The following C8orf74 variants were observed in gnomAD, a reference collection of about 807,000 sequenced individuals.
C8orf74 encodes the protein chromosome 8 open reading frame 74.
Under a neutral mutation model 22.2 loss-of-function variants are expected in C8orf74, and 29 were observed. That is an observed-to-expected ratio of 1.31 (90% CI 0.97 to 1.78). The LOEUF is 1.78. Ranked by LOEUF, C8orf74 falls within the 40% of genes most tolerant of loss-of-function variation. C8orf74 has a pLI of 0.00. For synonymous variants in C8orf74, 255 were observed against 163.1 expected (o/e 1.56, Z -4.30); for missense variants, 515 against 369.9 (o/e 1.39, Z -3.22).
At chr8:10,672,760 T>C (rs1038286212) in intron 1 of C8orf74, 47 bp downstream of exon 1, 3 of 1,521,564 alleles carry the variant, frequency 2.0e-6, no homozygotes, top group African/African-American at 2.8e-5. Context: ...TGGCTCATCC[T>C]GGGCACATAG....
Position 10,674,744 on chromosome 8 carries a change from C to T in C8orf74, c.147C>T (p.Tyr49=), listed in dbSNP as rs200806889. ...SRRSILLDTL[Y]ESIIFAVGKG... ...GGAGCATCCTGCTGGACACCCTCTA[C>T]GAGAGCATCATCTTTGCAGTGGGCA... Residue 49 remains tyrosine, a synonymous_variant, in exon 2 of 4, where the codon TAC becomes TAT. Transcript: ENST00000304519. The T allele has an allele frequency of 1.2e-5, 19 of 1,607,196 alleles. No homozygotes were observed. Among genetic ancestry groups the T allele is most frequent in the East Asian group, 6.7e-5 (3 of 44,678 alleles).
At chr8:10,684,113 A>G (rs1420224707) in intron 2 of C8orf74, among the ~76,000 whole-genome samples, 1 of 152,180 alleles carries the variant, frequency 6.6e-6, no homozygotes, top group Middle Eastern at 3.2e-3. Flanking sequence ...TGGCACACTG[A>G]GCCCTCTGCC....
intron 2 of C8orf74, chr8:10,691,829 T>A (rs1419852371): frequency 6.6e-6 from 1 of 152,366 alleles, no homozygotes; most frequent in African/African-American, 2.4e-5. Flanking sequence ...ACATGGCACA[T>A]AGGGCTGTCA....
intron 2 of C8orf74, among the ~76,000 whole-genome samples, chr8:10,681,447 T>C (rs79826929): frequency 0.13 from 19,915 of 152,122 alleles, 1,779 homozygotes; most frequent in Non-Finnish European, 0.19. Context: ...GCCAGCCTTA[T>C]CTAATCCTGG....
At chr8:10,679,842 C>T (rs546268685) in intron 2 of C8orf74, 9 of 153,064 alleles carry the variant, frequency 5.9e-5, no homozygotes, top group East Asian at 3.9e-4. Context: ...CTGCCTTGTC[C>T]GTCCTTCTCA....
chr8:10,687,166 T>C, intron 2 of C8orf74: 1 of 456,080 alleles, frequency 2.2e-6, no homozygotes, highest in South Asian at 1.5e-5. Flanking sequence ...ACAATGGCAT[T>C]ACTTATTGAG....
chr8:10,676,413 C>G (rs1018315257), intron 2 of C8orf74, among the ~76,000 whole-genome samples: 1 of 152,162 alleles, frequency 6.6e-6, no homozygotes, highest in African/African-American at 2.4e-5. Context: ...TTCCACCCCC[C>G]TCTCTTGATT....
At position 10,697,591 on chromosome 8, in the gene C8orf74, G is replaced by C; in HGVS notation, c.242-8G>C. ...CTCCCACTCTGTTCTTGGCCCCTGT[G>C]CCTACAGGCTGCTCCATTACTGAGG... On this transcript the variant is annotated splice_region_variant and splice_polypyrimidine_tract_variant and intron_variant, in intron 2 of 3. Transcript: ENST00000304519. The C allele has an allele frequency of 6.2e-7, 1 of 1,611,014 alleles. No individual in the cohort carries two copies. Among genetic ancestry groups the C allele is most frequent in the Non-Finnish European group, 8.5e-7 (1 of 1,178,308 alleles).
chr8:10,699,431 C>G (rs898522453), intron 3 of C8orf74, among the ~76,000 whole-genome samples: 7 of 152,244 alleles, frequency 4.6e-5, no homozygotes, highest in African/African-American at 1.4e-4. Flanking sequence ...CACAATTTTG[C>G]ATATCTTTTA....
chr8:10,686,934 C>G, intron 2 of C8orf74: 1 of 356,770 alleles, frequency 2.8e-6, no homozygotes, highest in South Asian at 2.1e-5. Flanking sequence ...AGAGCCTCCA[C>G]TACTCTTTGG....
chr8:10,690,816 G>A (rs760875451), intron 2 of C8orf74: 21 of 440,250 alleles, frequency 4.8e-5, no homozygotes, highest in South Asian at 1.1e-4. Flanking sequence ...AGCCTCCCCC[G>A]CCCTTCCCCT....
At chr8:10,694,046 C>T (rs1302240528) in intron 2 of C8orf74, among the ~76,000 whole-genome samples, 2 of 152,324 alleles carry the variant, frequency 1.3e-5, no homozygotes, top group Middle Eastern at 3.4e-3. Flanking sequence ...CCACCTCTGG[C>T]CCTGGCTCAG....
intron 2 of C8orf74, among the ~76,000 whole-genome samples, chr8:10,681,002 T>G (rs1457805435): frequency 6.6e-6 from 1 of 151,704 alleles, no homozygotes; most frequent in Non-Finnish European, 1.5e-5. Context: ...GATGTTTTTG[T>G]TGTTGTTAAT....
At chr8:10,684,920 C>T (rs539098437) in intron 2 of C8orf74, among the ~76,000 whole-genome samples, 28 of 152,242 alleles carry the variant, frequency 1.8e-4, no homozygotes, top group Admixed American at 1.5e-3. Context: ...GTCGACGGCC[C>T]ATCTGATAAC....
chr8:10,685,826 T>C (rs1408564227), intron 2 of C8orf74, among the ~76,000 whole-genome samples: 1 of 152,154 alleles, frequency 6.6e-6, no homozygotes, highest in East Asian at 1.9e-4. Flanking sequence ...TCCCAGCACT[T>C]TGGGAGGCTG....
chr8:10,680,912 G>A lies in C8orf74; in HGVS notation c.241+6074G>A, dbSNP rs190741518. Among the ~76,000 whole-genome samples, 59 of 152,254 alleles carry A rather than the reference G, an allele frequency of 3.9e-4. 1 individual carries two copies. Among genetic ancestry groups the A allele is most frequent in the Admixed American group, 3.3e-3 (50 of 15,288 alleles). ...CAGAATGTGGGTGCAGGCAGCCCAG[G>A]CAGGAGCGGGGGTCCTCTGTCTGTT... On this transcript the variant is annotated intron_variant, in intron 2 of 3. Transcript: ENST00000304519.
At chr8:10,683,148 G>A (rs1799187857) in intron 2 of C8orf74, among the ~76,000 whole-genome samples, 1 of 152,226 alleles carries the variant, frequency 6.6e-6, no homozygotes, top group African/African-American at 2.4e-5. Context: ...GCGGAGTGCA[G>A]ACGGAGCAAC....
intron 2 of C8orf74, among the ~76,000 whole-genome samples, chr8:10,675,326 G>C (rs1431085248): frequency 1.3e-5 from 2 of 152,352 alleles, no homozygotes; most frequent in East Asian, 1.9e-4. Context: ...CCTGTGCAGG[G>C]CTTGCATGAG....
intron 2 of C8orf74, chr8:10,675,672 T>C (rs917938997): frequency 1.3e-5 from 2 of 152,096 alleles, no homozygotes; most frequent in African/African-American, 4.8e-5. Context: ...ACACACAGAA[T>C]CCCGTGTGCC....
Sources: allele counts gnomAD v4.1 joint callset (sites outside exome capture counted in the v4.1 genomes callset), GRCh38; gene constraint gnomAD v4.1.1; transcripts MANE v1.5; gene names NCBI Gene and HGNC (gene_info 2026-07-23, HGNC 2026-07-21).